The following PREX1 variants were observed in gnomAD, a reference collection of about 807,000 sequenced individuals.
The protein encoded by PREX1 is phosphatidylinositol-3,4,5-trisphosphate dependent Rac exchange factor 1, also known as phosphatidylinositol 3,4,5-trisphosphate-dependent Rac exchanger 1 protein.
PREX1 carries 41 observed loss-of-function variants against 198.3 expected under a neutral mutation model. That is an observed-to-expected ratio of 0.21 (90% CI 0.16 to 0.27). PREX1 has a LOEUF of 0.27. PREX1 is among the 10% of genes least tolerant of loss of function. The probability of loss-of-function intolerance (pLI) is 1.00; values close to 1 mark genes in which losing one functional copy is unlikely to be tolerated. For synonymous variants in PREX1, 843 were observed against 887.2 expected, an observed-to-expected ratio of 0.95 and a Z score of 0.89; for missense variants, 1,620 against 2,200.7, an observed-to-expected ratio of 0.74 and a Z score of 5.28.
At chr20:48,878,035 G>A in the PREX1 span, among the ~76,000 whole-genome samples, 2 of 152,074 alleles carry the variant, frequency 1.3e-5, no homozygotes, top group Admixed American at 6.5e-5. Context: ...CTTGAACCCA[G>A]GAAGCGGAGG....
chr20:48,845,728 C>T, the PREX1 span, among the ~76,000 whole-genome samples: 1 of 148,178 alleles, frequency 6.7e-6, no homozygotes, highest in African/African-American at 2.5e-5. Flanking sequence ...AAAGAGCTTT[C>T]TAGGCAGAGG....
At chr20:48,759,549 C>CAAAAAAAAAAA (rs386393896) in intron 1 of PREX1, among the ~76,000 whole-genome samples, 35 of 73,596 alleles carry the variant, frequency 4.8e-4, no homozygotes, top group Admixed American at 7.4e-4. Context: ...GATTCCATCT[C>CAAAAAAAAAAA]AAAAAAAAAA....
chr20:48,865,461 T>G, the PREX1 span, among the ~76,000 whole-genome samples: 1 of 152,192 alleles, frequency 6.6e-6, no homozygotes, highest in African/African-American at 2.4e-5. Flanking sequence ...TGTATTGCAA[T>G]TGAGCCCTCT....
chr20:48,775,352 G>C (rs964021944), intron 1 of PREX1, among the ~76,000 whole-genome samples: 1 of 151,956 alleles, frequency 6.6e-6, no homozygotes, highest in Non-Finnish European at 1.5e-5. Context: ...TTTTAAATGT[G>C]GTGGCCAGGA....
At chr20:48,802,974 C>T (rs909102500) in intron 1 of PREX1, among the ~76,000 whole-genome samples, 7 of 152,320 alleles carry the variant, frequency 4.6e-5, no homozygotes, top group Non-Finnish European at 5.9e-5. Context: ...CAGCGTGCTC[C>T]CTGGACCAGT....
In PREX1 at chr20:48,691,593, G is replaced by C. The variant is rs1326775909; in HGVS notation, c.1037-497C>G. Among the ~76,000 whole-genome samples the C allele has an allele frequency of 6.6e-6, 1 of 152,200 alleles. No individual in the cohort carries two copies. Among genetic ancestry groups the C allele is most frequent in the South Asian group, 2.1e-4 (1 of 4,836 alleles). On this transcript the variant is annotated intron_variant, in intron 8 of 39. Coordinates refer to ENST00000371941, the MANE Select transcript of PREX1 (RefSeq NM_020820.4). This position sits in a 1 kb window ranked among gnomAD's most constrained non-coding sequence, Gnocchi z 5.0. ...GAGGAGGGCTCCACGGGCTTCATGA[G>C]ACTGCCAAAGGGGACTGTGGCTCAA...
At chr20:48,775,084 G>A (rs566428118) in intron 1 of PREX1, among the ~76,000 whole-genome samples, 13 of 152,250 alleles carry the variant, frequency 8.5e-5, no homozygotes, top group African/African-American at 7.2e-5. Flanking sequence ...CACCGCACAC[G>A]CTGCTCCTGC....
intron 33 of PREX1, among the ~76,000 whole-genome samples, chr20:48,634,197 T>G (rs1291101208): frequency 6.6e-6 from 1 of 150,694 alleles, no homozygotes; most frequent in Non-Finnish European, 1.5e-5. Flanking sequence ...GATGGATGGA[T>G]GGATAAATAA....
At chr20:48,676,970 C>A (rs1023571702) in intron 13 of PREX1, among the ~76,000 whole-genome samples, 1 of 152,154 alleles carries the variant, frequency 6.6e-6, no homozygotes, top group Non-Finnish European at 1.5e-5. Flanking sequence ...GAATCCCTGC[C>A]GAGCCTGGAT....
the PREX1 span, among the ~76,000 whole-genome samples, chr20:48,865,069 G>A: frequency 6.6e-6 from 1 of 152,040 alleles, no homozygotes; most frequent in East Asian, 1.9e-4. Context: ...GCTTCCTGTG[G>A]GATCATTCAA....
chr20:48,811,536 A>G (rs1232307347), intron 1 of PREX1, among the ~76,000 whole-genome samples: 1 of 152,100 alleles, frequency 6.6e-6, no homozygotes, highest in East Asian at 1.9e-4. Context: ...ACACACACAC[A>G]CACACGTGTG....
At chr20:48,669,539 G>C (rs899857609) in intron 14 of PREX1, among the ~76,000 whole-genome samples, 7 of 152,128 alleles carry the variant, frequency 4.6e-5, no homozygotes, top group African/African-American at 1.7e-4. Context: ...ACTTGGTGGG[G>C]CACAAAAAGT....
intron 14 of PREX1, among the ~76,000 whole-genome samples, chr20:48,671,705 C>A (rs994259249): frequency 6.6e-6 from 1 of 152,212 alleles, no homozygotes; most frequent in Non-Finnish European, 1.5e-5. Flanking sequence ...AACCACACTC[C>A]GAGGTCACAT....
intron 1 of PREX1, among the ~76,000 whole-genome samples, chr20:48,751,534 G>C (rs1361693213): frequency 6.6e-6 from 1 of 152,220 alleles, no homozygotes; most frequent in African/African-American, 2.4e-5. Flanking sequence ...GAGGCTCTGG[G>C]ACCAGCCCTC....
rs1442154151 is a variant in PREX1, at chr20:48,627,894, G to C, written c.4836C>G (p.Cys1612Trp). 5 of 1,613,114 alleles carry C rather than the reference G, an allele frequency of 3.1e-6. No individual in the cohort carries two copies. Among genetic ancestry groups the C allele is most frequent in the African/African-American group, 1.3e-5 (1 of 75,032 alleles). Reference sequence around the variant, plus strand: ...GCATGATGTCCGTGGCCTGCATGATGCACTTGGGCAGCAACCCGTGGCTCC... The same window carrying C: ...GCATGATGTCCGTGGCCTGCATGATCCACTTGGGCAGCAACCCGTGGCTCC... Reference protein sequence around the residue: ...LARSHGLLPKCIMQATDIMRK... With the variant: ...LARSHGLLPKWIMQATDIMRK... Residue 1612 changes from cysteine (C) to tryptophan (W), a missense_variant, in exon 38 of 40, where the codon TGC (cysteine) becomes TGG (tryptophan). By Grantham distance (215) the Cys-to-Trp change is radical. Around this residue, in one of 7 missense-constraint regions of PREX1, gnomAD observed 476 missense variants for 603.4 expected, o/e 0.79. Transcript: ENST00000371941.
chr20:48,779,947 T>C (rs2090280741), intron 1 of PREX1, among the ~76,000 whole-genome samples: 1 of 152,198 alleles, frequency 6.6e-6, no homozygotes, highest in Non-Finnish European at 1.5e-5. Flanking sequence ...TATATAACTC[T>C]ACATATGTGT....
At position 48,819,699 on chromosome 20, in the gene PREX1, T is replaced by G. The variant is rs1017957948; in HGVS notation, c.219+7943A>C. ...GCAAGGCCTCAGTGGGTGTCCTTAT[T>G]ATGACAACTCTGGTCCTTTTCTCAA... is the stretch of plus-strand genomic sequence containing the variant. On this transcript the variant is annotated intron_variant, in intron 1 of 39. Transcript: ENST00000371941. Among the ~76,000 whole-genome samples the G allele has an allele frequency of 2.6e-5, 4 of 152,198 alleles. No homozygotes were observed. In the East Asian group the frequency reaches 7.7e-4, roughly 29 times the overall value.
At chr20:48,681,433 G>T in intron 10 of PREX1, 98 bp from the exon 11 acceptor site, 2 of 1,176,958 alleles carry the variant, frequency 1.7e-6, no homozygotes, top group Non-Finnish European at 1.3e-6. Flanking sequence ...CCCTGGGAAT[G>T]ACAGCTAGAA....
chr20:48,769,964 A>G (rs1167072077), intron 1 of PREX1, among the ~76,000 whole-genome samples: 1 of 152,248 alleles, frequency 6.6e-6, no homozygotes, highest in Non-Finnish European at 1.5e-5. Flanking sequence ...CTGGACACTC[A>G]GTACACAGCA....
Sources: allele counts gnomAD v4.1 joint callset (sites outside exome capture counted in the v4.1 genomes callset), GRCh38; gene constraint gnomAD v4.1.1; regional missense constraint gnomAD v4.1.1; non-coding constraint Gnocchi (gnomAD v3.1); transcripts MANE v1.5; gene names NCBI Gene and HGNC (gene_info 2026-07-23, HGNC 2026-07-21).